MYCBP2: variants seen among roughly 807,000 people sequenced by gnomAD.
MYCBP2 encodes the protein E3 ubiquitin-protein ligase MYCBP2.
MYCBP2 carries 120 observed loss-of-function variants against 525.3 expected under a neutral mutation model. The ratio of observed to expected loss-of-function variants is 0.23; its 90% confidence interval spans 0.20 to 0.27. The LOEUF is 0.27. MYCBP2 is among the 10% of genes least tolerant of loss of function. The pLI is 1.00. For missense variants in MYCBP2, 4,149 were observed against 5,657.1 expected, an observed-to-expected ratio of 0.73 and a Z score of 8.55; for synonymous variants, 1,894 against 1,955.8, an observed-to-expected ratio of 0.97 and a Z score of 0.83.
At chr13:77,304,978 C>CT (rs2079227319) in intron 1 of MYCBP2, among the ~76,000 whole-genome samples, 1 of 151,818 alleles carries the variant, frequency 6.6e-6, no homozygotes, top group Admixed American at 6.6e-5. Context: ...TCTGAATAGT[C>CT]TTCTATATAT....
intron 70 of MYCBP2, 108 bp from the exon 71 acceptor site, chr13:77,067,972 G>T: frequency 8.7e-7 from 1 of 1,143,116 alleles, no homozygotes; most frequent in Non-Finnish European, 1.2e-6. Flanking sequence ...TTGTTGCCCA[G>T]GTTGGAGTGC....
At chr13:77,172,674 G>A (rs1311609618) in intron 37 of MYCBP2, among the ~76,000 whole-genome samples, 2 of 152,188 alleles carry the variant, frequency 1.3e-5, no homozygotes, top group African/African-American at 4.8e-5. Flanking sequence ...TGATGAACTA[G>A]GTGTAAAGTA....
At chr13:77,190,223 T>C (rs746650630) in intron 29 of MYCBP2, 29 bp downstream of exon 29, 5 of 1,408,770 alleles carry the variant, frequency 3.5e-6, no homozygotes, top group Admixed American at 1.7e-5. Context: ...TAATAAACCA[T>C]ACTAATTCAG....
Position 77,185,891 on chromosome 13 carries a change from C to T in MYCBP2, c.4424G>A (p.Cys1475Tyr). The T allele has an allele frequency of 2.5e-6, 4 of 1,586,230 alleles. No individual in the cohort carries two copies. The South Asian group carries it at 4.7e-5, about 19-fold the overall frequency. The change falls in exon 31 of 83, where the codon TGT becomes TAT. Residue 1475 changes from cysteine to tyrosine, a missense_variant. Coordinates refer to ENST00000544440, the MANE Select transcript of MYCBP2 (RefSeq NM_015057.5). ...CCLRLLRVYTCEIYPVSATGK... is the reference protein window; with the variant it reads ...CCLRLLRVYTYEIYPVSATGK... Reference sequence around the variant, plus strand: ...CATACCTGACACTGGGTAAATTTCACAGGTATAGACACGCAATAACCTCAG... The same window carrying T: ...CATACCTGACACTGGGTAAATTTCATAGGTATAGACACGCAATAACCTCAG...
intron 70 of MYCBP2, 40 bp downstream of exon 70, chr13:77,068,525 G>A (rs2040582752): frequency 6.3e-7 from 1 of 1,587,036 alleles, no homozygotes; most frequent in South Asian, 1.1e-5. Flanking sequence ...AATGTTTCAA[G>A]TAACAAAAGC....
chr13:77,071,293 A>ACACACACACG, intron 68 of MYCBP2, among the ~76,000 whole-genome samples: 1 of 151,996 alleles, frequency 6.6e-6, no homozygotes, highest in Non-Finnish European at 1.5e-5. Flanking sequence ...ACACACACAC[A>ACACACACACG]CACACACACA....
In MYCBP2 at chr13:77,195,984, T is replaced by C. The variant is rs149559366; in HGVS notation, c.3844-1740A>G. Among the ~76,000 whole-genome samples, 102 of 152,288 alleles carry C rather than the reference T, an allele frequency of 6.7e-4. 1 individual carries two copies. In the East Asian group the frequency reaches 0.015, roughly 22 times the overall value. On this transcript the variant is annotated intron_variant, in intron 26 of 82. Transcript: ENST00000544440. Reference sequence around the variant, plus strand: ...TGTATGCCAAGCACAGTTCTAGAAATTGGGCATAAAGGGGCAAACAATACA... The same window carrying C: ...TGTATGCCAAGCACAGTTCTAGAAACTGGGCATAAAGGGGCAAACAATACA...
chr13:77,074,358 C>T (rs2041931899), intron 68 of MYCBP2, among the ~76,000 whole-genome samples: 1 of 152,012 alleles, frequency 6.6e-6, no homozygotes, highest in African/African-American at 2.4e-5. Context: ...AAAACTATAA[C>T]ATTTCTAAAG....
chr13:77,241,876 G>T (rs1018989653), intron 17 of MYCBP2, among the ~76,000 whole-genome samples: 1 of 151,926 alleles, frequency 6.6e-6, no homozygotes, highest in African/African-American at 2.4e-5. Flanking sequence ...TGGTTAAATG[G>T]GTAAAAGGTT....
rs2154328270 is a variant in MYCBP2 at position 77,250,467 on chromosome 13, A to G, written c.2381+684T>C. ...TACTCCCCCAAATCAGCCAATTATT[A>G]CAAAGCTGATCACACAAAGAATATC... On this transcript the variant is annotated intron_variant, in intron 15 of 82. Transcript: ENST00000544440. 1.3e-5 allele frequency among the ~76,000 whole-genome samples: 2 copies of G among 152,326 alleles called. 1 individual carries two copies. The highest frequency in any genetic ancestry group is 3.9e-4 in the East Asian group (2 of 5,182).
At position 77,205,249 on chromosome 13, in the gene MYCBP2, A is replaced by C. The variant is rs2063194050; in HGVS notation, c.3843+7T>G. ...CAAAAAAGGACAACATTGTTGATGA[A>C]CTTTACCTTAATTTTAGCAGTATAT... On this transcript the variant is annotated splice_region_variant and intron_variant, in intron 26 of 82. Transcript: ENST00000544440. The C allele has an allele frequency of 6.3e-7, 1 of 1,576,832 alleles. No individual in the cohort carries two copies. The highest frequency in any genetic ancestry group is 1.2e-5 in the South Asian group (1 of 82,320).
intron 19 of MYCBP2, 26 bp from the exon 20 acceptor site, chr13:77,224,558 T>G: frequency 7.2e-7 from 1 of 1,390,820 alleles, no homozygotes; most frequent in Non-Finnish European, 1.0e-6. Flanking sequence ...ACAGCTTTAT[T>G]TTTTCATTAT....
chr13:77,182,013 T>A (rs1438281890), intron 32 of MYCBP2, 91 bp from the exon 33 acceptor site: 5 of 944,592 alleles, frequency 5.3e-6, no homozygotes, highest in Admixed American at 2.7e-5. Context: ...AACCATCTTT[T>A]AAATTATACC....
chr13:77,100,278 G>C (rs143444094), intron 55 of MYCBP2: 1 of 152,000 alleles, frequency 6.6e-6, no homozygotes, highest in Non-Finnish European at 1.5e-5. Flanking sequence ...GTATAGTCAC[G>C]CTCTATTTCT....
At chr13:77,219,803 A>G (rs2065297909) in intron 20 of MYCBP2, among the ~76,000 whole-genome samples, 1 of 152,148 alleles carries the variant, frequency 6.6e-6, no homozygotes, top group Non-Finnish European at 1.5e-5. Flanking sequence ...GAATAGATAC[A>G]TACCGAGAGC....
At chr13:77,227,519 A>G (rs922049194) in intron 18 of MYCBP2, among the ~76,000 whole-genome samples, 4 of 137,186 alleles carry the variant, frequency 2.9e-5, no homozygotes, top group Non-Finnish European at 6.5e-5. Flanking sequence ...CACACACACA[A>G]ATACATATCT....
At chr13:77,296,398 A>G (rs1011147646) in intron 2 of MYCBP2, among the ~76,000 whole-genome samples, 3 of 152,132 alleles carry the variant, frequency 2.0e-5, no homozygotes, top group African/African-American at 4.8e-5. Context: ...GTTTCAAAAA[A>G]GAAAAAAAAA....
intron 30 of MYCBP2, among the ~76,000 whole-genome samples, chr13:77,188,314 T>C (rs2060945387): frequency 6.6e-6 from 1 of 152,222 alleles, no homozygotes; most frequent in Admixed American, 6.5e-5. Context: ...ATAAATCACA[T>C]TCAGATGGTG....
chr13:77,121,533 C>A (rs755530950), intron 54 of MYCBP2, 38 bp from the exon 55 acceptor site: 4 of 1,494,332 alleles, frequency 2.7e-6, no homozygotes, highest in Non-Finnish European at 3.6e-6. Flanking sequence ...TAGTTTCTTA[C>A]GTGCTATTCC....
Sources: gnomAD v4.1 joint callset for allele counts (sites outside exome capture counted in the v4.1 genomes callset) on GRCh38, gnomAD v4.1.1 for gene constraint, MANE v1.5 for transcripts, NCBI Gene and HGNC (gene_info 2026-07-23, HGNC 2026-07-21) for gene names.